The following CCDC102B variants were observed in gnomAD, a reference collection of about 807,000 sequenced individuals.
CCDC102B encodes coiled-coil domain containing 102B.
In CCDC102B, 75 loss-of-function variants were observed where a neutral mutation model predicts 57.4. That is an observed-to-expected ratio of 1.31 (90% CI 1.08 to 1.58). The LOEUF (loss-of-function observed/expected upper bound fraction) is 1.58. Among genes scored for constraint, CCDC102B ranks in the 40% most tolerant of loss-of-function variants. CCDC102B has a pLI of 0.00. For synonymous variants in CCDC102B, 206 were observed against 201.9 expected (o/e 1.02, Z -0.17); for missense variants, 636 against 582.6 (o/e 1.09, Z -0.94).
intron 2 of CCDC102B, among the ~76,000 whole-genome samples, chr18:68,743,278 C>T (rs2033477395): frequency 6.6e-6 from 1 of 151,930 alleles, no homozygotes; most frequent in Non-Finnish European, 1.5e-5. Context: ...TGTGGGGGCA[C>T]ATGCCTATAG....
chr18:68,759,503 T>A (rs971512663), intron 2 of CCDC102B, among the ~76,000 whole-genome samples: 1 of 151,952 alleles, frequency 6.6e-6, no homozygotes, highest in Non-Finnish European at 1.5e-5. Flanking sequence ...GGAACTGAGA[T>A]TAAGAATCAC....
intron 7 of CCDC102B, among the ~76,000 whole-genome samples, chr18:69,042,827 G>A (rs1039142828): frequency 1.3e-4 from 20 of 152,110 alleles, no homozygotes; most frequent in African/African-American, 4.8e-4. Flanking sequence ...TGTATGTGTG[G>A]CAATGATTTG....
chr18:68,886,502 A>G (rs1021093918), intron 5 of CCDC102B, among the ~76,000 whole-genome samples: 2 of 152,190 alleles, frequency 1.3e-5, no homozygotes, highest in African/African-American at 4.8e-5. Context: ...GAAATCTTCA[A>G]TTGAACTTCC....
At chr18:68,941,079 A>ATT (rs756041379) in intron 6 of CCDC102B, among the ~76,000 whole-genome samples, 23 of 144,216 alleles carry the variant, frequency 1.6e-4, no homozygotes, top group Non-Finnish European at 3.6e-4. Flanking sequence ...ACTATTTGCT[A>ATT]TTTATTTATT....
intron 7 of CCDC102B, among the ~76,000 whole-genome samples, chr18:69,041,737 C>T (rs1263074426): frequency 2.6e-5 from 4 of 151,896 alleles, no homozygotes; most frequent in Non-Finnish European, 5.9e-5. Flanking sequence ...ATTCATTGAC[C>T]TTTTGCATAG....
At chr18:68,843,844 CAG>C in intron 3 of CCDC102B, among the ~76,000 whole-genome samples, 1 of 151,752 alleles carries the variant, frequency 6.6e-6, no homozygotes, top group Non-Finnish European at 1.5e-5. Context: ...CTCTGAAACA[CAG>C]AATAAAATGA....
chr18:68,958,148 G>A (rs2049954907), intron 6 of CCDC102B, among the ~76,000 whole-genome samples: 1 of 152,116 alleles, frequency 6.6e-6, no homozygotes, highest in Admixed American at 6.5e-5. Context: ...ACTATCATGA[G>A]AACAGCATGG....
At chr18:69,011,804 C>T (rs2051526028) in intron 7 of CCDC102B, among the ~76,000 whole-genome samples, 1 of 151,862 alleles carries the variant, frequency 6.6e-6, no homozygotes, top group African/African-American at 2.4e-5. Flanking sequence ...ACTATTCAGG[C>T]AAAACCCATA....
chr18:68,786,402 G>A (rs2035214063), intron 2 of CCDC102B, among the ~76,000 whole-genome samples: 1 of 123,738 alleles, frequency 8.1e-6, no homozygotes. Context: ...CATTGAATCT[G>A]TAAATTACCT....
intron 2 of CCDC102B, chr18:68,753,104 T>A (rs2033923888): frequency 6.6e-6 from 1 of 152,200 alleles, no homozygotes; most frequent in Admixed American, 6.5e-5. Flanking sequence ...AGTATGTTTA[T>A]CTTATATATT....
intron 6 of CCDC102B, among the ~76,000 whole-genome samples, chr18:69,001,093 C>G (rs1029206308): frequency 2.9e-4 from 44 of 152,262 alleles, no homozygotes; most frequent in African/African-American, 1.0e-3. Context: ...CATGCTCTTT[C>G]TTTCTTTTGA....
At chr18:69,012,773 G>A (rs1476691018) in intron 7 of CCDC102B, among the ~76,000 whole-genome samples, 2 of 152,060 alleles carry the variant, frequency 1.3e-5, no homozygotes, top group Admixed American at 6.6e-5. Flanking sequence ...AATCTATATG[G>A]GTAGAAAGTC....
intron 6 of CCDC102B, among the ~76,000 whole-genome samples, chr18:68,965,060 A>C (rs2050134843): frequency 6.6e-6 from 1 of 151,976 alleles, no homozygotes; most frequent in South Asian, 2.1e-4. Flanking sequence ...GTGTCTTGGC[A>C]TGAATTGCTT....
chr18:68,806,414 G>A (rs1472803292), intron 1 of CCDC102B, among the ~76,000 whole-genome samples: 1 of 152,030 alleles, frequency 6.6e-6, no homozygotes, highest in African/African-American at 2.4e-5. Context: ...CCTTTGAATA[G>A]CAGGCTACTT....
chr18:68,892,511 A>G (rs770512983), intron 5 of CCDC102B, among the ~76,000 whole-genome samples: 6 of 152,182 alleles, frequency 3.9e-5, no homozygotes, highest in African/African-American at 9.7e-5. Context: ...TCAAGTTTCT[A>G]TAAGTCTAAG....
chr18:68,758,458 T>A lies in CCDC102B; in HGVS notation c.-67+41864T>A, dbSNP rs474608. On this transcript the variant is annotated intron_variant, in intron 2 of 3. Transcript: ENST00000578970. ...AATTATAATAGATTGTTTAAGACAA[T>A]CTATACAGGGATAGCATGCTGGAAA... is the stretch of plus-strand genomic sequence containing the variant. 3.5e-3 allele frequency among the ~76,000 whole-genome samples: 536 copies of A among 152,146 alleles called. 2 individuals carry two copies. Among genetic ancestry groups the A allele is most frequent in the African/African-American group, 0.012 (507 of 41,536 alleles).
At chr18:68,923,585 C>A (rs2041365048) in intron 6 of CCDC102B, among the ~76,000 whole-genome samples, 1 of 151,980 alleles carries the variant, frequency 6.6e-6, no homozygotes, top group South Asian at 2.1e-4. Flanking sequence ...GTAGATGAGA[C>A]ACCTGAAATC....
intron 1 of CCDC102B, among the ~76,000 whole-genome samples, chr18:68,820,194 T>C (rs1391849539): frequency 1.3e-5 from 2 of 152,100 alleles, no homozygotes; most frequent in Admixed American, 6.5e-5. Context: ...GCTTTAGGTT[T>C]TCTGCAGAAA....
intron 1 of CCDC102B, among the ~76,000 whole-genome samples, chr18:68,813,774 TTA>T (rs142225933): frequency 0.035 from 5,169 of 145,920 alleles, 125 homozygotes; most frequent in Non-Finnish European, 0.05. Flanking sequence ...AAATATAATT[TTA>T]TATATATATA....
Sources: gnomAD v4.1 joint callset for allele counts (sites outside exome capture counted in the v4.1 genomes callset) on GRCh38, gnomAD v4.1.1 for gene constraint, MANE v1.5 for transcripts, NCBI Gene and HGNC (gene_info 2026-07-23, HGNC 2026-07-21) for gene names.